SP140L: variants seen among roughly 807,000 people sequenced by gnomAD.
SP140L encodes the protein SP140 like nuclear body protein, also known as nuclear body protein SP140-like protein.
Under a neutral mutation model 84.3 loss-of-function variants are expected in SP140L, and 64 were observed. That is an observed-to-expected ratio of 0.76 (90% CI 0.62 to 0.94). The LOEUF (loss-of-function observed/expected upper bound fraction) is 0.94. SP140L is among the 40% of genes least tolerant of loss of function. SP140L has a pLI of 0.00. For synonymous variants in SP140L, 242 were observed against 236.9 expected (o/e 1.02, Z -0.20); for missense variants, 628 against 692.5 (o/e 0.91, Z 1.05).
At chr2:230,337,924 A>T (rs1575433869) in intron 2 of SP140L, among the ~76,000 whole-genome samples, 1 of 151,742 alleles carries the variant, frequency 6.6e-6, no homozygotes, top group East Asian at 1.9e-4. Context: ...GAAGTCAGGT[A>T]GCATGATGCC....
intron 2 of SP140L, among the ~76,000 whole-genome samples, chr2:230,353,198 A>T (rs1343757118): frequency 1.3e-5 from 2 of 152,018 alleles, no homozygotes. Flanking sequence ...GCCTGTAACT[A>T]CAAGTTTTAT....
In SP140L at chr2:230,328,820, A is replaced by G; in HGVS notation, c.96A>G (p.Gln32=). 6.2e-7 allele frequency: 1 copy of G among 1,610,254 alleles called. No homozygotes were observed. The highest frequency in any genetic ancestry group is 8.5e-7 in the Non-Finnish European group (1 of 1,177,790). ...NEMNHLPAHS[Q]SLQRLFTEDQ... The stretch of plus-strand genomic sequence containing the variant: ...TGAACCATCTTCCTGCACACAGCCA[A>G]AGTCTGCAAAGGTGATGAAGAATTA... Residue 32 remains glutamine, a synonymous_variant, in exon 2 of 19, where the codon CAA becomes CAG. Coordinates refer to ENST00000415673, the MANE Select transcript of SP140L (RefSeq NM_138402.6).
At chr2:230,381,711 TACACACACAC>T (rs71052506) in intron 7 of SP140L, among the ~76,000 whole-genome samples, 61,703 of 147,016 alleles carry the variant, frequency 0.42, 13,497 homozygotes, top group South Asian at 0.66. Context: ...CCTGTCTCTC[TACACACACAC>T]ACACACACAC....
At chr2:230,328,853 T>C in intron 2 of SP140L, 22 bp downstream of exon 2, 1 of 1,603,676 alleles carries the variant, frequency 6.2e-7, no homozygotes, top group South Asian at 1.1e-5. Flanking sequence ...TTACAATTTG[T>C]TTTAATTTGT....
chr2:230,400,971 A>C lies in SP140L; in HGVS notation c.1330A>C (p.Ile444Leu). The change falls in exon 16 of 19, where the codon ATC (isoleucine) becomes CTC (leucine). Residue 444 changes from isoleucine to leucine, a missense_variant. Ile to Leu is a conservative substitution (Grantham distance 5). Around this residue, in one of 4 missense-constraint regions of SP140L, gnomAD observed 52 missense variants for 87.0 expected, o/e 0.60. Coordinates refer to ENST00000415673, the MANE Select transcript of SP140L (RefSeq NM_138402.6). ...VESEKTPWNCIFCRMKESPGS... is the reference protein window; with the variant it reads ...VESEKTPWNCLFCRMKESPGS... Reference sequence around the variant, plus strand: ...ATCTCTCAGGACCCCGTGGAATTGCATCTTCTGCAGGATGAAGGAGTCTCC... The same window carrying C: ...ATCTCTCAGGACCCCGTGGAATTGCCTCTTCTGCAGGATGAAGGAGTCTCC... 1 of 1,536,740 alleles carries C rather than the reference A, an allele frequency of 6.5e-7. No homozygotes were observed. Among genetic ancestry groups the C allele is most frequent in the Non-Finnish European group, 8.8e-7 (1 of 1,129,944 alleles).
chr2:230,360,444 C>T (rs752161572), intron 4 of SP140L, among the ~76,000 whole-genome samples: 1 of 152,148 alleles, frequency 6.6e-6, no homozygotes, highest in African/African-American at 2.4e-5. Flanking sequence ...TTAATACTAA[C>T]AATATCTAGA....
At chr2:230,385,756 TA>T (rs1457124920) in intron 9 of SP140L, among the ~76,000 whole-genome samples, 2 of 152,212 alleles carry the variant, frequency 1.3e-5, no homozygotes, top group African/African-American at 4.8e-5. Flanking sequence ...GACCAAGTAT[TA>T]AAACTCCAAT....
chr2:230,389,177 C>T (rs1285370478), intron 10 of SP140L, among the ~76,000 whole-genome samples: 2 of 152,154 alleles, frequency 1.3e-5, no homozygotes, highest in Non-Finnish European at 2.9e-5. Context: ...ATAGTGTGCC[C>T]TTTTCAAAAC....
At chr2:230,357,132 G>A (rs1010091921) in intron 2 of SP140L, among the ~76,000 whole-genome samples, 3 of 152,116 alleles carry the variant, frequency 2.0e-5, no homozygotes, top group South Asian at 2.1e-4. Flanking sequence ...AAACGGCAGC[G>A]ATTTCTGAAA....
At chr2:230,357,009 A>G (rs1382861637) in intron 2 of SP140L, among the ~76,000 whole-genome samples, 1 of 152,172 alleles carries the variant, frequency 6.6e-6, no homozygotes, top group African/African-American at 2.4e-5. Flanking sequence ...AGAGCTCCCA[A>G]GTTTTCATAA....
chr2:230,375,525 G>A (rs1175394570), intron 7 of SP140L, among the ~76,000 whole-genome samples: 2 of 152,042 alleles, frequency 1.3e-5, no homozygotes, highest in East Asian at 1.9e-4. Context: ...GCATACAGGG[G>A]TTCCTTTTCT....
chr2:230,359,454 A>C (rs1281435298), intron 4 of SP140L, among the ~76,000 whole-genome samples: 1 of 152,152 alleles, frequency 6.6e-6, no homozygotes, highest in Non-Finnish European at 1.5e-5. Flanking sequence ...GAGTTTTTGC[A>C]GTGACCTACA....
chr2:230,381,589 C>A (rs13384350), intron 7 of SP140L, among the ~76,000 whole-genome samples: 34,973 of 151,950 alleles, frequency 0.23, 4,255 homozygotes, highest in Non-Finnish European at 0.28. Context: ...GGTGCAGTGG[C>A]TCACTCATGT....
At chr2:230,379,287 T>G (rs986554631) in intron 7 of SP140L, among the ~76,000 whole-genome samples, 1 of 152,158 alleles carries the variant, frequency 6.6e-6, no homozygotes, top group African/African-American at 2.4e-5. Flanking sequence ...TTGTGTTTTT[T>G]TGTGTGTCTC....
chr2:230,396,634 C>A, intron 13 of SP140L, 123 bp from the exon 14 acceptor site: 1 of 1,196,784 alleles, frequency 8.4e-7, no homozygotes, highest in Non-Finnish European at 1.2e-6. Flanking sequence ...TTCATCTCCT[C>A]CCAATTATTT....
intron 7 of SP140L, among the ~76,000 whole-genome samples, chr2:230,379,341 C>T (rs1333117500): frequency 6.6e-6 from 1 of 151,966 alleles, no homozygotes; most frequent in Non-Finnish European, 1.5e-5. Context: ...TATATTCTCC[C>T]TTTTCCCCCT....
intron 4 of SP140L, among the ~76,000 whole-genome samples, chr2:230,359,586 G>A (rs1340125622): frequency 6.6e-6 from 1 of 152,140 alleles, no homozygotes; most frequent in African/African-American, 2.4e-5. Context: ...CAACCCCATA[G>A]TCATAGCTTT....
At position 230,331,928 on chromosome 2, in the gene SP140L, G is replaced by C. The variant is rs1039729677; in HGVS notation, c.107+3097G>C. 2.0e-5 allele frequency among the ~76,000 whole-genome samples: 3 copies of C among 152,102 alleles called. No individual in the cohort carries two copies. In the East Asian group the frequency reaches 5.8e-4, roughly 29 times the overall value. The stretch of plus-strand genomic sequence containing the variant: ...TGCTCTTTTTCAGAATTTATACCGT[G>C]TATTTTTCTTTTTCTTACTTTTTTT... On this transcript the variant is annotated intron_variant, in intron 2 of 18. Transcript: ENST00000415673.
intron 2 of SP140L, among the ~76,000 whole-genome samples, chr2:230,332,321 T>G (rs2059747188): frequency 6.6e-6 from 1 of 152,236 alleles, no homozygotes; most frequent in Non-Finnish European, 1.5e-5. Context: ...CTTTCGGCCA[T>G]CTTCCCCAGT....
Sources: gnomAD v4.1 joint callset for allele counts (sites outside exome capture counted in the v4.1 genomes callset) on GRCh38, gnomAD v4.1.1 for gene constraint, gnomAD v4.1.1 regional missense constraint, MANE v1.5 for transcripts, NCBI Gene and HGNC (gene_info 2026-07-23, HGNC 2026-07-21) for gene names.